The following DLG2 variants were observed in gnomAD, a reference collection of about 807,000 sequenced individuals.
The protein encoded by DLG2 is disks large homolog 2.
DLG2 carries 45 observed loss-of-function variants against 132.5 expected under a neutral mutation model. That is an observed-to-expected ratio of 0.34 (90% CI 0.27 to 0.44). The LOEUF (loss-of-function observed/expected upper bound fraction) is 0.44. DLG2 is among the 20% of genes least tolerant of loss of function. The pLI is 1.00. For synonymous variants in DLG2, 424 were observed against 419.6 expected (o/e 1.01, Z -0.13); for missense variants, 1,045 against 1,196.9 (o/e 0.87, Z 1.87).
At chr11:83,662,178 G>T (rs2074444661) in intron 18 of DLG2, among the ~76,000 whole-genome samples, 1 of 152,108 alleles carries the variant, frequency 6.6e-6, no homozygotes, top group African/African-American at 2.4e-5. Flanking sequence ...GTAGCCCACA[G>T]CTTGGAATAA....
intron 21 of DLG2, among the ~76,000 whole-genome samples, chr11:83,516,988 G>T (rs1418040001): frequency 6.6e-6 from 1 of 152,074 alleles, no homozygotes; most frequent in Non-Finnish European, 1.5e-5. Flanking sequence ...TGGTGAATCT[G>T]ACAATTATGT....
intron 18 of DLG2, among the ~76,000 whole-genome samples, chr11:83,667,002 G>T (rs184051148): frequency 6.6e-6 from 1 of 152,264 alleles, no homozygotes; most frequent in Admixed American, 6.5e-5. Flanking sequence ...ACCGGAACTG[G>T]CCTGGGCAAA....
chr11:85,207,226 A>AT (rs1285798614), intron 4 of DLG2, among the ~76,000 whole-genome samples: 1 of 152,178 alleles, frequency 6.6e-6, no homozygotes, highest in Non-Finnish European at 1.5e-5. Flanking sequence ...ACCTTCTCAG[A>AT]TGTCTTCTTA....
rs551912772 is a variant in DLG2, at chr11:85,521,366, C to G, written c.40+77291G>C. 2.0e-5 allele frequency among the ~76,000 whole-genome samples: 3 copies of G among 152,284 alleles called. No homozygotes were observed. The South Asian group carries it at 6.2e-4, about 32-fold the overall frequency. On this transcript the variant is annotated intron_variant, in intron 3 of 27. Coordinates refer to ENST00000376104, the MANE Select transcript of DLG2 (RefSeq NM_001142699.3). ...TCTGAAGAAGGATGTGTTTGCTTCCCCTTCTGCCATGATTGTAAGTTTCCT... is the reference window on the plus strand; with the variant it reads ...TCTGAAGAAGGATGTGTTTGCTTCCGCTTCTGCCATGATTGTAAGTTTCCT...
intron 6 of DLG2, among the ~76,000 whole-genome samples, chr11:84,981,266 T>C (rs982977042): frequency 6.6e-6 from 1 of 152,216 alleles, no homozygotes; most frequent in Non-Finnish European, 1.5e-5. Flanking sequence ...TATTACTATC[T>C]GTGCAGAAAG....
At chr11:83,820,645 T>C (rs936613162) in intron 17 of DLG2, among the ~76,000 whole-genome samples, 18 of 152,162 alleles carry the variant, frequency 1.2e-4, no homozygotes, top group African/African-American at 4.3e-4. Context: ...AGATAGTTGT[T>C]CCTGGGGCAG....
Position 84,350,183 on chromosome 11 carries a change from C to A in DLG2, c.520-98892G>T, listed in dbSNP as rs1386873819. Among the ~76,000 whole-genome samples, 384 of 136,688 alleles carry A rather than the reference C, an allele frequency of 2.8e-3. 4 individuals carry two copies. The highest frequency in any genetic ancestry group is 9.0e-3 in the African/African-American group (296 of 32,924). The allele number at this position is 136,688 out of a possible 152,430, so 89.7% of individuals were successfully genotyped here. A position where few individuals can be genotyped will look rare whatever the true frequency, so the allele number is the denominator to read the frequency against. ...ACAGAGAGAGACTTCGTCCCCCCCCCCAAAAAAAAAAAAAAAAAATCCAGG... is the reference window on the plus strand; with the variant it reads ...ACAGAGAGAGACTTCGTCCCCCCCCACAAAAAAAAAAAAAAAAAATCCAGG... On this transcript the variant is annotated intron_variant, in intron 7 of 27. Transcript: ENST00000376104.
intron 6 of DLG2, among the ~76,000 whole-genome samples, chr11:84,789,636 CA>C (rs1410089184): frequency 2.0e-5 from 3 of 152,072 alleles, no homozygotes; most frequent in African/African-American, 7.2e-5. Context: ...GCTGTGCTAT[CA>C]AATACCATCT....
At chr11:84,612,806 A>G (rs1012432318) in intron 6 of DLG2, among the ~76,000 whole-genome samples, 23 of 152,008 alleles carry the variant, frequency 1.5e-4, no homozygotes, top group African/African-American at 5.1e-4. Context: ...TATTGGTTCA[A>G]TTTTCACAGA....
At chr11:84,695,979 T>C (rs1317643238) in intron 6 of DLG2, among the ~76,000 whole-genome samples, 3 of 151,492 alleles carry the variant, frequency 2.0e-5, no homozygotes, top group Non-Finnish European at 4.4e-5. Flanking sequence ...AGTTTTCAAA[T>C]AAGACCACTA....
chr11:83,600,833 C>T (rs1393307318), intron 19 of DLG2, among the ~76,000 whole-genome samples: 1 of 152,228 alleles, frequency 6.6e-6, no homozygotes, highest in Admixed American at 6.5e-5. Context: ...CAGACTTTGC[C>T]TCACATGCCA....
intron 6 of DLG2, among the ~76,000 whole-genome samples, chr11:84,595,429 A>AT (rs1239328911): frequency 1.8e-4 from 28 of 152,010 alleles, no homozygotes; most frequent in African/African-American, 6.0e-4. Flanking sequence ...TAGTACCTTA[A>AT]TGAAAGACTT....
chr11:85,397,646 A>T (rs2152957275), intron 3 of DLG2, among the ~76,000 whole-genome samples: 1 of 152,328 alleles, frequency 6.6e-6, no homozygotes, highest in Admixed American at 6.5e-5. Flanking sequence ...CTGATAAAAC[A>T]GACTTTAAAC....
chr11:84,875,379 T>A (rs890638556), intron 6 of DLG2, among the ~76,000 whole-genome samples: 8 of 152,066 alleles, frequency 5.3e-5, no homozygotes, highest in African/African-American at 1.9e-4. Context: ...CTTGGGAGAA[T>A]GTTTAAAATA....
At chr11:83,686,356 A>G (rs1300354878) in intron 18 of DLG2, among the ~76,000 whole-genome samples, 1 of 152,104 alleles carries the variant, frequency 6.6e-6, no homozygotes, top group Non-Finnish European at 1.5e-5. Context: ...CTTCTAAAAA[A>G]TTTATAGTAC....
intron 18 of DLG2, among the ~76,000 whole-genome samples, chr11:83,649,744 T>A (rs2069469138): frequency 6.6e-6 from 1 of 152,166 alleles, no homozygotes; most frequent in Non-Finnish European, 1.5e-5. Context: ...TGGGAGGCAC[T>A]AACAGGAGAT....
At chr11:84,013,076 ATC>A (rs2154067076) in intron 11 of DLG2, among the ~76,000 whole-genome samples, 1 of 152,286 alleles carries the variant, frequency 6.6e-6, no homozygotes, top group South Asian at 2.1e-4. Flanking sequence ...TCCCCAGATC[ATC>A]TGTCTTACTT....
intron 15 of DLG2, among the ~76,000 whole-genome samples, chr11:83,923,674 T>C (rs2078376024): frequency 1.3e-5 from 2 of 152,156 alleles, no homozygotes; most frequent in Non-Finnish European, 2.9e-5. Flanking sequence ...AGTCACCAAG[T>C]ACCACCTGTT....
intron 3 of DLG2, among the ~76,000 whole-genome samples, chr11:85,528,788 T>C (rs1299670033): frequency 6.6e-6 from 1 of 152,174 alleles, no homozygotes; most frequent in Non-Finnish European, 1.5e-5. Context: ...TCTTAATAAA[T>C]GTTGAACAAC....
Sources: gnomAD v4.1 joint callset for allele counts (sites outside exome capture counted in the v4.1 genomes callset) on GRCh38, gnomAD v4.1.1 for gene constraint, MANE v1.5 for transcripts, NCBI Gene and HGNC (gene_info 2026-07-23, HGNC 2026-07-21) for gene names.